The following IL1RAPL2 variants were observed in gnomAD, a reference collection of about 807,000 sequenced individuals.
IL1RAPL2 encodes the protein interleukin 1 receptor accessory protein like 2.
In IL1RAPL2, 3 loss-of-function variants were observed where a neutral mutation model predicts 44.1. The observed-to-expected ratio is 0.07, with a 90% confidence interval of 0.03 to 0.18. The LOEUF (loss-of-function observed/expected upper bound fraction) is 0.18. IL1RAPL2 is among the 10% of genes least tolerant of loss of function. IL1RAPL2 has a pLI of 1.00. For missense variants in IL1RAPL2, 391 were observed against 496.4 expected, an observed-to-expected ratio of 0.79 and a Z score of 2.02; for synonymous variants, 181 against 178.8, an observed-to-expected ratio of 1.01 and a Z score of -0.10.
chrX:104,699,619 G>A (rs943130744), intron 2 of IL1RAPL2, among the ~76,000 whole-genome samples: 15 of 112,108 alleles, frequency 1.3e-4, no homozygotes, highest in African/African-American at 4.9e-4. Context: ...TCACGGCCTG[G>A]GGCTTGAGGA....
intron 2 of IL1RAPL2, among the ~76,000 whole-genome samples, chrX:104,977,174 C>G (rs1297715955): frequency 1.8e-5 from 2 of 111,763 alleles, no homozygotes; most frequent in Non-Finnish European, 3.8e-5. Flanking sequence ...CCACATGGGA[C>G]CCGGATGAAG....
chrX:105,053,626 T>C (rs944029934), intron 2 of IL1RAPL2, among the ~76,000 whole-genome samples: 4 of 111,812 alleles, frequency 3.6e-5, no homozygotes, highest in Non-Finnish European at 7.5e-5. Context: ...TGTCCTCACT[T>C]AATATGTTCA....
At chrX:105,489,744 C>CTT (rs375520525) in intron 6 of IL1RAPL2, among the ~76,000 whole-genome samples, 4 of 93,138 alleles carry the variant, frequency 4.3e-5, no homozygotes, top group African/African-American at 2.1e-4. Flanking sequence ...CTCTCTCTCT[C>CTT]TCTTTCTTTC....
chrX:105,225,876 C>G (rs2034009644), intron 3 of IL1RAPL2, among the ~76,000 whole-genome samples: 1 of 109,632 alleles, frequency 9.1e-6, no homozygotes, highest in Admixed American at 9.8e-5. Flanking sequence ...CAGGGTTTCA[C>G]CATGTTGGCC....
chrX:104,794,397 CTCCCTT>C (rs759798053), intron 2 of IL1RAPL2, among the ~76,000 whole-genome samples: 1 of 111,284 alleles, frequency 9.0e-6, no homozygotes, highest in East Asian at 2.9e-4. Context: ...TGCTCTAACT[CTCCCTT>C]TCTGATTCAT....
intron 6 of IL1RAPL2, among the ~76,000 whole-genome samples, chrX:105,540,876 A>ATATTATATATCATATATAATATATG (rs1569452139): frequency 1.8e-4 from 4 of 21,872 alleles, no homozygotes; most frequent in African/African-American, 8.3e-4. Context: ...TATAATACAT[A>ATATTATATATCATATATAATATATG]CATATATTAT....
intron 1 of IL1RAPL2, among the ~76,000 whole-genome samples, chrX:104,648,443 C>G (rs765089849): frequency 8.9e-6 from 1 of 112,252 alleles, no homozygotes; most frequent in African/African-American, 3.2e-5. Flanking sequence ...TAACAAATTG[C>G]CTTGTAAAAT....
chrX:104,792,042 G>A (rs909252564), intron 2 of IL1RAPL2, among the ~76,000 whole-genome samples: 4 of 111,037 alleles, frequency 3.6e-5, no homozygotes, highest in African/African-American at 1.3e-4. Context: ...AATTAGGAAG[G>A]CCCCTATGGT....
chrX:104,849,313 G>A (rs750475123), intron 2 of IL1RAPL2, among the ~76,000 whole-genome samples: 1 of 87,561 alleles, frequency 1.1e-5, no homozygotes, highest in South Asian at 4.9e-4. Flanking sequence ...GCCTCCCAAA[G>A]TGCTGGTATT....
intron 5 of IL1RAPL2, among the ~76,000 whole-genome samples, chrX:105,382,525 C>G (rs1234281303): frequency 9.6e-6 from 1 of 104,597 alleles, no homozygotes; most frequent in East Asian, 3.0e-4. Flanking sequence ...GTTGGTGGGA[C>G]TGTAAACTAG....
intron 5 of IL1RAPL2, among the ~76,000 whole-genome samples, chrX:105,387,184 A>G (rs1389470072): frequency 9.1e-6 from 1 of 109,873 alleles, no homozygotes; most frequent in East Asian, 2.8e-4. Context: ...GACCTGTAAT[A>G]AGATATTGTT....
At chrX:104,760,738 TC>T (rs1385099888) in intron 2 of IL1RAPL2, among the ~76,000 whole-genome samples, 1 of 111,501 alleles carries the variant, frequency 9.0e-6, no homozygotes, top group Non-Finnish European at 1.9e-5. Flanking sequence ...GCGGGTCGTA[TC>T]TTTGTTGATT....
chrX:105,467,193 A>G (rs1465701390), intron 5 of IL1RAPL2, among the ~76,000 whole-genome samples: 2 of 111,851 alleles, frequency 1.8e-5, no homozygotes, highest in Non-Finnish European at 1.9e-5. Context: ...TCACTGAAAA[A>G]TATCAACTAC....
chrX:105,099,249 A>G (rs2032640380), intron 2 of IL1RAPL2, among the ~76,000 whole-genome samples: 1 of 111,008 alleles, frequency 9.0e-6, no homozygotes, highest in Non-Finnish European at 1.9e-5. Context: ...TCATGTTGCT[A>G]TTAAAAAATA....
chrX:104,650,619 A>G (rs956855414), intron 1 of IL1RAPL2, among the ~76,000 whole-genome samples: 3 of 111,454 alleles, frequency 2.7e-5, no homozygotes, highest in African/African-American at 9.8e-5. Context: ...GGAAATCTGA[A>G]TCACCTACTG....
At chrX:104,708,276 C>CT (rs1433454862) in intron 2 of IL1RAPL2, among the ~76,000 whole-genome samples, 1 of 111,515 alleles carries the variant, frequency 9.0e-6, no homozygotes, top group African/African-American at 3.3e-5. Flanking sequence ...CTTTTGCTTT[C>CT]TATCTGACTG....
At chrX:105,268,898 G>T (rs1360975691) in intron 5 of IL1RAPL2, among the ~76,000 whole-genome samples, 3 of 45,661 alleles carry the variant, frequency 6.6e-5, no homozygotes, top group African/African-American at 2.6e-4. Flanking sequence ...TAATCAGTTT[G>T]CTATGTATAT....
chrX:105,218,236 AG>A (rs1556170392), intron 3 of IL1RAPL2, among the ~76,000 whole-genome samples: 1 of 111,529 alleles, frequency 9.0e-6, no homozygotes, highest in Non-Finnish European at 1.9e-5. Flanking sequence ...CTGGAGTCAC[AG>A]GATGATTCCT....
At chrX:105,422,831 G>A (rs775834550) in intron 5 of IL1RAPL2, among the ~76,000 whole-genome samples, 3 of 110,591 alleles carry the variant, frequency 2.7e-5, no homozygotes, top group Non-Finnish European at 5.7e-5. Context: ...CTGTTCTGAT[G>A]TTACAATCTT....
Sources: allele counts gnomAD v4.1 joint callset (sites outside exome capture counted in the v4.1 genomes callset), GRCh38; gene constraint gnomAD v4.1.1; transcripts MANE v1.5; gene names NCBI Gene and HGNC (gene_info 2026-07-23, HGNC 2026-07-21).